Variants in TAFA2 observed in about 807,000 individuals in gnomAD.
TAFA2 encodes chemokine-like protein TAFA-2.
A neutral mutation model predicts 18.8 loss-of-function variants in TAFA2; 7 were observed. The observed-to-expected ratio is 0.37, with a 90% confidence interval of 0.21 to 0.70. The LOEUF (loss-of-function observed/expected upper bound fraction) is 0.70, where lower values mean the gene tolerates loss of function less well. Ranked by LOEUF, TAFA2 falls within the 30% of genes least tolerant of loss-of-function variation. The pLI is 0.53. For missense variants in TAFA2, 122 were observed against 158.1 expected (o/e 0.77, Z 1.23); for synonymous variants, 60 against 54.2 (o/e 1.11, Z -0.47).
chr12:62,086,677 A>C (rs899432380), intron 1 of TAFA2, among the ~76,000 whole-genome samples: 10 of 152,062 alleles, frequency 6.6e-5, no homozygotes, highest in Non-Finnish European at 1.3e-4. Flanking sequence ...GGATGTAGAG[A>C]AAATGAAATC....
chr12:61,795,790 GAAAAAT>G (rs1027360784), intron 2 of TAFA2, among the ~76,000 whole-genome samples: 10 of 150,124 alleles, frequency 6.7e-5, no homozygotes, highest in African/African-American at 2.4e-4. Flanking sequence ...AAAAGAAAAA[GAAAAAT>G]AAAATAAGAT....
intron 2 of TAFA2, among the ~76,000 whole-genome samples, chr12:61,840,367 A>G: frequency 6.6e-6 from 1 of 152,082 alleles, no homozygotes; most frequent in East Asian, 1.9e-4. Flanking sequence ...CATGTTTCAC[A>G]ACCAGTCAGT....
intron 1 of TAFA2, among the ~76,000 whole-genome samples, chr12:61,951,615 G>C (rs1454997743): frequency 6.6e-6 from 1 of 152,016 alleles, no homozygotes. Flanking sequence ...GCTATAGAAG[G>C]AAAGGACATG....
chr12:61,926,261 AGGTACAAAGAGGAGCT>A (rs1877287252), intron 1 of TAFA2, among the ~76,000 whole-genome samples: 1 of 152,248 alleles, frequency 6.6e-6, no homozygotes, highest in Admixed American at 6.5e-5. Context: ...ATTCTACCAG[AGGTACAAAGAGGAGCT>A]GGTACCATTC....
rs192471465 is a variant in TAFA2 at position 62,015,414 on chromosome 12, T to C, written c.-1-147988A>G. 8.5e-4 allele frequency among the ~76,000 whole-genome samples: 130 copies of C among 152,316 alleles called. No homozygotes were observed. The Middle Eastern group carries it at 0.017, about 20-fold the overall frequency. The stretch of plus-strand genomic sequence containing the variant: ...TCACCACACTCATTTTTAGAGATAG[T>C]GTCACAGGAGAAGAATAAGAGTTCC... On this transcript the variant is annotated intron_variant, in intron 1 of 4. Coordinates refer to ENST00000416284, the MANE Select transcript of TAFA2 (RefSeq NM_178539.5).
intron 1 of TAFA2, among the ~76,000 whole-genome samples, chr12:62,092,875 C>T (rs1362394746): frequency 4.6e-5 from 7 of 151,924 alleles, no homozygotes; most frequent in African/African-American, 1.7e-4. Context: ...ATGGGCCCTG[C>T]AAATTATCTT....
intron 1 of TAFA2, chr12:62,234,311 A>T (rs2062825586): frequency 2.2e-6 from 1 of 461,124 alleles, no homozygotes; most frequent in Non-Finnish European, 4.1e-6. Flanking sequence ...ATGAATATAG[A>T]ACTTGAAGAC....
At chr12:61,759,676 G>A (rs1869444145) in intron 2 of TAFA2, among the ~76,000 whole-genome samples, 1 of 151,978 alleles carries the variant, frequency 6.6e-6, no homozygotes, top group Non-Finnish European at 1.5e-5. Context: ...GTTCAGGAGG[G>A]TACACTTTCC....
chr12:62,119,795 C>T (rs1303297908), intron 1 of TAFA2, among the ~76,000 whole-genome samples: 2 of 152,080 alleles, frequency 1.3e-5, no homozygotes, highest in East Asian at 1.9e-4. Context: ...AGGGTTTGGC[C>T]GGGCACGGTG....
At chr12:61,888,820 A>G (rs2121291536) in intron 1 of TAFA2, among the ~76,000 whole-genome samples, 1 of 152,362 alleles carries the variant, frequency 6.6e-6, no homozygotes, top group African/African-American at 2.4e-5. Context: ...AAAAGGTCCC[A>G]GAAATGAATA....
At chr12:61,786,893 G>T (rs529772035) in intron 2 of TAFA2, among the ~76,000 whole-genome samples, 4 of 151,218 alleles carry the variant, frequency 2.6e-5, no homozygotes, top group Non-Finnish European at 5.9e-5. Flanking sequence ...CAAATAAGAT[G>T]ATACAATGAA....
intron 1 of TAFA2, among the ~76,000 whole-genome samples, chr12:62,246,310 T>C (rs1043419032): frequency 2.6e-5 from 4 of 152,198 alleles, no homozygotes; most frequent in East Asian, 1.9e-4. Context: ...TTCCTTTCTA[T>C]ATGCTATGTA....
chr12:61,813,983 C>T (rs1464047172), intron 2 of TAFA2, among the ~76,000 whole-genome samples: 1 of 151,378 alleles, frequency 6.6e-6, no homozygotes, highest in Admixed American at 6.6e-5. Flanking sequence ...AATATCGGAG[C>T]ACATCAATAT....
At chr12:62,092,809 T>G (rs896053668) in intron 1 of TAFA2, among the ~76,000 whole-genome samples, 1 of 152,010 alleles carries the variant, frequency 6.6e-6, no homozygotes, top group Non-Finnish European at 1.5e-5. Flanking sequence ...AAAGGAAATA[T>G]TCTATCAAGG....
chr12:61,868,791 A>G (rs1874465598), intron 1 of TAFA2, among the ~76,000 whole-genome samples: 1 of 152,160 alleles, frequency 6.6e-6, no homozygotes, highest in Non-Finnish European at 1.5e-5. Context: ...TTAGATGGCA[A>G]TATTTTAAGA....
At chr12:62,245,423 T>C (rs1359785858) in intron 1 of TAFA2, among the ~76,000 whole-genome samples, 1 of 151,878 alleles carries the variant, frequency 6.6e-6, no homozygotes, top group Non-Finnish European at 1.5e-5. Flanking sequence ...CAAGTACTTT[T>C]ACATGTCTGC....
intron 1 of TAFA2, among the ~76,000 whole-genome samples, chr12:62,026,049 T>C (rs1339285276): frequency 6.6e-6 from 1 of 152,140 alleles, no homozygotes; most frequent in Non-Finnish European, 1.5e-5. Context: ...TCGTTAATAA[T>C]TTAAATTCCA....
At position 61,756,695 on chromosome 12, in the gene TAFA2, CAGTAG is replaced by C. The variant is rs376567801; in HGVS notation, c.107-1676_107-1672del. Among the ~76,000 whole-genome samples the C allele has an allele frequency of 7.8e-4, 119 of 152,094 alleles. 1 individual carries two copies. The South Asian group carries it at 9.8e-3, about 12-fold the overall frequency. ...ATTTTTAAGCTCCTTGAAGAAAATA[CAGTAG>C]AGTAGAGTAGAGTAACATGATTCAG... On this transcript the variant is annotated intron_variant, in intron 2 of 4. Transcript: ENST00000416284.
intron 1 of TAFA2, among the ~76,000 whole-genome samples, chr12:61,875,141 T>C (rs1302147428): frequency 6.6e-6 from 1 of 152,156 alleles, no homozygotes; most frequent in Non-Finnish European, 1.5e-5. Flanking sequence ...CAAATATTAT[T>C]ACATATAATA....
Sources: allele counts gnomAD v4.1 joint callset (sites outside exome capture counted in the v4.1 genomes callset), GRCh38; gene constraint gnomAD v4.1.1; transcripts MANE v1.5; gene names NCBI Gene and HGNC (gene_info 2026-07-23, HGNC 2026-07-21).